TTC23L: variants seen among roughly 807,000 people sequenced by gnomAD.
TTC23L encodes tetratricopeptide repeat protein 23-like.
Under a neutral mutation model 48.1 loss-of-function variants are expected in TTC23L, and 42 were observed. The observed-to-expected ratio is 0.87, with a 90% confidence interval of 0.68 to 1.13. TTC23L has a LOEUF of 1.13. Ranked by LOEUF, TTC23L falls within the 50% of genes most tolerant of loss-of-function variation. The pLI is 0.00. For missense variants in TTC23L, 391 were observed against 421.0 expected (o/e 0.93, Z 0.62); for synonymous variants, 159 against 157.2 (o/e 1.01, Z -0.09).
chr5:34,874,779 G>A (rs986015820), intron 8 of TTC23L, among the ~76,000 whole-genome samples: 1 of 151,778 alleles, frequency 6.6e-6, no homozygotes, highest in Non-Finnish European at 1.5e-5. Context: ...GGTAGGAAAA[G>A]AGTGAAAGAC....
chr5:34,909,645 C>G, the TTC23L span, among the ~76,000 whole-genome samples: 6 of 152,110 alleles, frequency 3.9e-5, no homozygotes, highest in Non-Finnish European at 8.8e-5. Context: ...ATCCTTAAGT[C>G]AGAAATATAT....
At chr5:34,854,874 G>C (rs923262088) in intron 4 of TTC23L, among the ~76,000 whole-genome samples, 24 of 152,198 alleles carry the variant, frequency 1.6e-4, no homozygotes, top group Non-Finnish European at 3.5e-4. Flanking sequence ...AACTATGAGG[G>C]AAGGCAGTGT....
chr5:34,882,618 T>TACACACACACACACACACACACACACAC (rs146120966), intron 9 of TTC23L, among the ~76,000 whole-genome samples: 2 of 140,876 alleles, frequency 1.4e-5, no homozygotes, highest in Non-Finnish European at 3.1e-5. Flanking sequence ...TCCCATGGAC[T>TACACACACACACACACACACACACACAC]ACACACACAC....
chr5:34,845,834 G>C, intron 3 of TTC23L, 161 bp downstream of exon 3: 1 of 695,400 alleles, frequency 1.4e-6, no homozygotes. Context: ...TAGGTAGCCA[G>C]CCCACCTTCT....
the TTC23L span, among the ~76,000 whole-genome samples, chr5:34,912,617 G>A: frequency 6.6e-6 from 1 of 152,010 alleles, no homozygotes; most frequent in Non-Finnish European, 1.5e-5. Flanking sequence ...TCATTCTTCT[G>A]GGGATTCCTT....
the TTC23L span, chr5:34,915,981 C>A: frequency 3.5e-6 from 5 of 1,423,532 alleles, no homozygotes; most frequent in Non-Finnish European, 4.6e-6. Flanking sequence ...TACAGCCTTG[C>A]TTAATTTCAG....
chr5:34,844,468 A>T (rs1758949645), intron 2 of TTC23L, among the ~76,000 whole-genome samples: 1 of 139,888 alleles, frequency 7.1e-6, no homozygotes, highest in Admixed American at 7.2e-5. Flanking sequence ...AAAAGGTTAC[A>T]CTTGGCAGTT....
intron 8 of TTC23L, among the ~76,000 whole-genome samples, chr5:34,875,636 CG>C (rs1380162840): frequency 1.3e-5 from 2 of 152,132 alleles, no homozygotes; most frequent in Non-Finnish European, 2.9e-5. Flanking sequence ...GCAACACCCT[CG>C]CAGACACACC....
chr5:34,880,238 C>T, exon 9 of TTC23L: 1 of 1,613,476 alleles, frequency 6.2e-7, no homozygotes, highest in African/African-American at 1.3e-5. Context: ...ACATTGGGCT[C>T]AGAGGATTTT....
At chr5:34,923,210 T>C in the TTC23L span, 18 of 1,613,534 alleles carry the variant, frequency 1.1e-5, no homozygotes, top group African/African-American at 1.5e-4. Context: ...TTTTGGATAA[T>C]AGGATATGGT....
At chr5:34,873,126 T>A (rs1439216580) in intron 8 of TTC23L, among the ~76,000 whole-genome samples, 7 of 152,166 alleles carry the variant, frequency 4.6e-5, no homozygotes, top group African/African-American at 1.2e-4. Flanking sequence ...GTTAATTTTT[T>A]AAAAGTATTA....
the TTC23L span, chr5:34,915,969 A>C: frequency 6.9e-7 from 1 of 1,446,734 alleles, no homozygotes; most frequent in Non-Finnish European, 9.1e-7. Context: ...TACTTACTTG[A>C]CTACAGCCTT....
chr5:34,905,307 G>T, the TTC23L span: 371 of 152,314 alleles, frequency 2.4e-3, 4 homozygotes, highest in African/African-American at 8.7e-3. Flanking sequence ...TAAGGGACAA[G>T]CAATGTGAAG....
At chr5:34,859,327 A>G (rs1422517758) in intron 4 of TTC23L, among the ~76,000 whole-genome samples, 1 of 152,220 alleles carries the variant, frequency 6.6e-6, no homozygotes, top group Non-Finnish European at 1.5e-5. Context: ...CTCGGCTTCC[A>G]GTATCCGAAG....
In TTC23L at chr5:34,880,244, AT is replaced by A. The variant is rs1382649679; in HGVS notation, c.1017del (p.Phe339LeufsTer4). On this transcript the variant is annotated frameshift_variant, in exon 9 of 11. Transcript: ENST00000505624. LOFTEE classifies it high-confidence loss of function. ...TATCGAGCAACATTGGGCTCAGAGG[AT>A]TTTGAAACACTGAGCACCACTGAAG... The A allele has an allele frequency of 6.2e-7, 1 of 1,613,622 alleles. No individual in the cohort carries two copies. The highest frequency in any genetic ancestry group is 8.5e-7 in the Non-Finnish European group (1 of 1,179,796).
At chr5:34,840,606 A>G (rs1345249587) in intron 1 of TTC23L, 59 bp from the exon 2 acceptor site, 36 of 1,454,816 alleles carry the variant, frequency 2.5e-5, no homozygotes, top group Admixed American at 3.4e-5. Context: ...CCAGAGGGGG[A>G]AAATAGAACA....
chr5:34,897,180 T>A (rs1763279204), intron 10 of TTC23L, among the ~76,000 whole-genome samples: 1 of 151,856 alleles, frequency 6.6e-6, no homozygotes, highest in Non-Finnish European at 1.5e-5. Flanking sequence ...AGCTCAGGAG[T>A]TCGAGACCAG....
At chr5:34,901,207 A>G (rs986465494), downstream of TTC23L, among the ~76,000 whole-genome samples, 16 of 152,022 alleles carry the variant, frequency 1.1e-4, no homozygotes, top group Non-Finnish European at 8.8e-5. Context: ...GTGTTTTTTC[A>G]AATTGTCAAA....
chr5:34,845,930 C>T (rs563625342), intron 3 of TTC23L, among the ~76,000 whole-genome samples: 7 of 152,268 alleles, frequency 4.6e-5, no homozygotes, highest in Admixed American at 1.3e-4. Context: ...GGTGCAGTGG[C>T]TCATGCGTGT....
Sources: gnomAD v4.1 joint callset for allele counts (sites outside exome capture counted in the v4.1 genomes callset) on GRCh38, gnomAD v4.1.1 for gene constraint, MANE v1.5 for transcripts, NCBI Gene and HGNC (gene_info 2026-07-23, HGNC 2026-07-21) for gene names.